The following SHC4 variants were observed in gnomAD, a reference collection of about 807,000 sequenced individuals.
SHC4 encodes SHC-transforming protein 4.
A neutral mutation model predicts 69.4 loss-of-function variants in SHC4; 41 were observed. The observed-to-expected ratio is 0.59, with a 90% confidence interval of 0.46 to 0.77. SHC4 has a LOEUF of 0.77. Among genes scored for constraint, SHC4 ranks in the 30% least tolerant of loss-of-function variants. The probability of loss-of-function intolerance (pLI) is 0.00; values close to 1 mark genes in which losing one functional copy is unlikely to be tolerated. For synonymous variants in SHC4, 318 were observed against 299.3 expected, an observed-to-expected ratio of 1.06 and a Z score of -0.64; for missense variants, 777 against 783.8, an observed-to-expected ratio of 0.99 and a Z score of 0.10.
chr15:48,918,522 T>G (rs987877257), intron 2 of SHC4, among the ~76,000 whole-genome samples: 1 of 152,226 alleles, frequency 6.6e-6, no homozygotes, highest in Non-Finnish European at 1.5e-5. Flanking sequence ...TTGTTACCGA[T>G]TGTCTTAGAT....
intron 1 of SHC4, among the ~76,000 whole-genome samples, chr15:48,950,278 C>CAT (rs972260628): frequency 6.2e-5 from 9 of 145,676 alleles, no homozygotes; most frequent in East Asian, 2.0e-4. Flanking sequence ...TATAAAATTA[C>CAT]ATATATATAT....
At chr15:48,837,849 T>C (rs1041098761) in intron 10 of SHC4, among the ~76,000 whole-genome samples, 2 of 151,998 alleles carry the variant, frequency 1.3e-5, no homozygotes, top group East Asian at 1.9e-4. Flanking sequence ...AAAATACAGT[T>C]TAAGGAAGAG....
intron 2 of SHC4, among the ~76,000 whole-genome samples, chr15:48,906,011 C>A (rs920219389): frequency 6.6e-6 from 1 of 152,098 alleles, no homozygotes; most frequent in Non-Finnish European, 1.5e-5. Flanking sequence ...CATTCCTGAC[C>A]AAGGACTCCT....
chr15:48,898,921 C>T (rs1216771295), intron 2 of SHC4, among the ~76,000 whole-genome samples: 1 of 151,846 alleles, frequency 6.6e-6, no homozygotes, highest in Non-Finnish European at 1.5e-5. Flanking sequence ...TTAGGGTAAA[C>T]TGGGCTTCTT....
At chr15:48,914,778 T>C (rs1657791204) in intron 2 of SHC4, among the ~76,000 whole-genome samples, 5 of 152,358 alleles carry the variant, frequency 3.3e-5, no homozygotes, top group Admixed American at 1.3e-4. Flanking sequence ...TTTACCATTT[T>C]AATAATTTTT....
chr15:48,915,393 G>A (rs1228574272), intron 2 of SHC4, among the ~76,000 whole-genome samples: 1 of 152,062 alleles, frequency 6.6e-6, no homozygotes, highest in Non-Finnish European at 1.5e-5. Context: ...GAATTTAGTT[G>A]GCTATTTCAA....
Position 48,846,449 on chromosome 15 carries a change from T to C in SHC4, c.1304-2861A>G, listed in dbSNP as rs376898758. ...GCTGGGCCTCCATACAAGATGCTTA[T>C]CTCTTACAGCAATATGCTCCCCCTC... On this transcript the variant is annotated intron_variant, in intron 9 of 11. Coordinates refer to ENST00000332408, the MANE Select transcript of SHC4 (RefSeq NM_203349.4). 5.3e-5 allele frequency among the ~76,000 whole-genome samples: 8 copies of C among 152,186 alleles called. No homozygotes were observed. In the East Asian group the frequency reaches 1.2e-3, roughly 22 times the overall value.
chr15:48,962,500 T>G lies in SHC4; in HGVS notation c.516A>C (p.Thr172=). ...SCPLPGPGEP[T]LRSRQDRHFL... is the part of the protein sequence containing the mutation. ...AGTGCCTGTCCTGCCTGCTCCTAAG[T>G]GTTGGCTCCCCAGGGCCAGGAAGCG... Residue 172 remains threonine (T), a synonymous_variant, in exon 1 of 12, where the codon ACA becomes ACC. Transcript: ENST00000332408. 1 of 1,566,252 alleles carries G rather than the reference T, an allele frequency of 6.4e-7. No individual in the cohort carries two copies. Among genetic ancestry groups the G allele is most frequent in the Non-Finnish European group, 8.6e-7 (1 of 1,157,378 alleles).
At chr15:48,864,881 C>A (rs746346959) in intron 6 of SHC4, among the ~76,000 whole-genome samples, 1 of 152,108 alleles carries the variant, frequency 6.6e-6, no homozygotes, top group Non-Finnish European at 1.5e-5. Flanking sequence ...TATTCAAAGT[C>A]CCCCCACAAT....
At chr15:48,857,549 A>G (rs896674599) in intron 7 of SHC4, 143 bp downstream of exon 7, 23 of 664,130 alleles carry the variant, frequency 3.5e-5, no homozygotes, top group Non-Finnish European at 4.8e-5. Context: ...GACTGTGTCT[A>G]TTTGCAAGAA....
chr15:48,892,127 C>A (rs1900148745), intron 2 of SHC4, among the ~76,000 whole-genome samples: 1 of 151,876 alleles, frequency 6.6e-6, no homozygotes, highest in Admixed American at 6.5e-5. Flanking sequence ...AGTGTTGGGA[C>A]TACAGGCGTG....
chr15:48,878,597 C>G (rs770532054), intron 4 of SHC4: 2 of 1,614,084 alleles, frequency 1.2e-6, no homozygotes, highest in South Asian at 2.2e-5. Context: ...AACAAGAGAA[C>G]CAGCCCTGGA....
At chr15:48,843,938 C>T (rs1899041832) in intron 9 of SHC4, among the ~76,000 whole-genome samples, 1 of 152,200 alleles carries the variant, frequency 6.6e-6, no homozygotes, top group South Asian at 2.1e-4. Context: ...CTCAACACTG[C>T]TCAGAGGGGT....
intron 11 of SHC4, among the ~76,000 whole-genome samples, chr15:48,833,354 G>A (rs373940073): frequency 1.3e-5 from 2 of 152,090 alleles, no homozygotes; most frequent in African/African-American, 4.8e-5. Flanking sequence ...AAGTTCTCTG[G>A]TTCTATAGCA....
chr15:48,924,793 G>T, intron 2 of SHC4, 86 bp downstream of exon 2: 3 of 1,398,150 alleles, frequency 2.1e-6, no homozygotes, highest in Non-Finnish European at 2.0e-6. Context: ...TAATGAATTG[G>T]AAGGTTTGCA....
chr15:48,933,273 C>A (rs1033042959), intron 1 of SHC4, among the ~76,000 whole-genome samples: 6 of 152,028 alleles, frequency 3.9e-5, no homozygotes, highest in Admixed American at 3.3e-4. Flanking sequence ...TTTTTAATTC[C>A]AGCAAGTCAC....
At chr15:48,926,420 G>A (rs1900854776) in intron 1 of SHC4, among the ~76,000 whole-genome samples, 1 of 152,042 alleles carries the variant, frequency 6.6e-6, no homozygotes, top group Non-Finnish European at 1.5e-5. Context: ...GAGCTGGTGG[G>A]GAGGGGCACC....
At chr15:48,927,616 C>T (rs1190393165) in intron 1 of SHC4, among the ~76,000 whole-genome samples, 1 of 152,104 alleles carries the variant, frequency 6.6e-6, no homozygotes, top group East Asian at 1.9e-4. Flanking sequence ...GGGTTCCTGG[C>T]CCCAGCTCAC....
chr15:48,909,517 T>C (rs980947178), intron 2 of SHC4, among the ~76,000 whole-genome samples: 3 of 152,142 alleles, frequency 2.0e-5, no homozygotes, highest in Admixed American at 6.5e-5. Context: ...CAGTTTGACT[T>C]CCTCTTTACT....
Sources: allele counts gnomAD v4.1 joint callset (sites outside exome capture counted in the v4.1 genomes callset), GRCh38; gene constraint gnomAD v4.1.1; transcripts MANE v1.5; gene names NCBI Gene and HGNC (gene_info 2026-07-23, HGNC 2026-07-21).